GPC5: variants seen among roughly 807,000 people sequenced by gnomAD.
The protein encoded by GPC5 is glypican-5.
In GPC5, 47 loss-of-function variants were observed where a neutral mutation model predicts 53.9. The observed-to-expected ratio is 0.87, with a 90% CI of 0.69 to 1.11. The LOEUF is 1.11. Among genes scored for constraint, GPC5 ranks in the 50% most tolerant of loss-of-function variants. GPC5 has a pLI of 0.00. For missense variants in GPC5, 748 were observed against 713.1 expected, an observed-to-expected ratio of 1.05 and a Z score of -0.56; for synonymous variants, 286 against 263.3, an observed-to-expected ratio of 1.09 and a Z score of -0.84.
chr13:92,542,522 TAGTTATA>T (rs1309236781), intron 7 of GPC5, among the ~76,000 whole-genome samples: 1 of 152,090 alleles, frequency 6.6e-6, no homozygotes, highest in Non-Finnish European at 1.5e-5. Context: ...TGGTTTTCGG[TAGTTATA>T]AGTTTTGATT....
At chr13:91,431,334 C>T (rs1021030582) in intron 1 of GPC5, among the ~76,000 whole-genome samples, 9 of 152,144 alleles carry the variant, frequency 5.9e-5, no homozygotes, top group Admixed American at 2.0e-4. Flanking sequence ...ACTGGATTTT[C>T]CACTCTTGTG....
intron 7 of GPC5, among the ~76,000 whole-genome samples, chr13:92,766,442 T>C (rs577283454): frequency 1.3e-4 from 20 of 152,338 alleles, no homozygotes; most frequent in African/African-American, 4.8e-4. Flanking sequence ...ATGGATAGAC[T>C]TTAATTATGA....
At chr13:91,424,429 A>C (rs1210572749) in intron 1 of GPC5, among the ~76,000 whole-genome samples, 3 of 142,512 alleles carry the variant, frequency 2.1e-5, no homozygotes, top group African/African-American at 8.0e-5. Flanking sequence ...CAATGGCGCG[A>C]TCTCGGCTCA....
intron 2 of GPC5, among the ~76,000 whole-genome samples, chr13:91,546,872 G>T (rs1165470118): frequency 6.6e-6 from 1 of 152,104 alleles, no homozygotes; most frequent in Admixed American, 6.5e-5. Context: ...AGTGGATACA[G>T]TGGTTAGGTA....
intron 6 of GPC5, among the ~76,000 whole-genome samples, chr13:92,119,234 G>A (rs898669058): frequency 2.0e-5 from 3 of 151,944 alleles, no homozygotes; most frequent in Admixed American, 6.6e-5. Context: ...ACTGTCATGG[G>A]AACAGCATGG....
At chr13:92,546,554 G>A (rs1312788462) in intron 7 of GPC5, among the ~76,000 whole-genome samples, 2 of 152,242 alleles carry the variant, frequency 1.3e-5, no homozygotes, top group East Asian at 1.9e-4. Flanking sequence ...CATGCTCATG[G>A]GTAGGAAGAA....
chr13:92,797,819 TGATAGATAGATAGATA>T (rs10553721), intron 7 of GPC5, among the ~76,000 whole-genome samples: 141 of 143,602 alleles, frequency 9.8e-4, no homozygotes, highest in East Asian at 5.3e-3. Context: ...ATTCAAGGGA[TGATAGATAGATAGATA>T]GATAGATAGA....
In GPC5 at chr13:91,423,608, T is replaced by C. The variant is rs531492853; in HGVS notation, c.163+24399T>C. On this transcript the variant is annotated intron_variant, in intron 1 of 7. Coordinates refer to ENST00000377067, the MANE Select transcript of GPC5 (RefSeq NM_004466.6). ...GGGGTGTGAATGTGGAAAGAGAGAATGTTGGTCAAAGGCTACAACGTTTCA... is the reference window on the plus strand; with the variant it reads ...GGGGTGTGAATGTGGAAAGAGAGAACGTTGGTCAAAGGCTACAACGTTTCA... 8.2e-4 allele frequency among the ~76,000 whole-genome samples: 125 copies of C among 152,216 alleles called. 1 individual carries two copies. The highest frequency in any genetic ancestry group is 2.8e-3 in the African/African-American group (117 of 41,554).
intron 6 of GPC5, chr13:91,996,375 C>T (rs1021262559): frequency 6.6e-6 from 1 of 152,246 alleles, no homozygotes; most frequent in Admixed American, 6.5e-5. Flanking sequence ...ATTCTAGTTG[C>T]TACAATGCAA....
intron 2 of GPC5, among the ~76,000 whole-genome samples, chr13:91,522,793 G>C (rs555891984): frequency 1.3e-5 from 2 of 152,262 alleles, no homozygotes; most frequent in African/African-American, 4.8e-5. Flanking sequence ...GTGATAGTTT[G>C]CTGAGAATGA....
At chr13:92,255,941 C>A (rs1594041194) in intron 7 of GPC5, among the ~76,000 whole-genome samples, 2 of 152,072 alleles carry the variant, frequency 1.3e-5, no homozygotes, top group Middle Eastern at 3.4e-3. Context: ...TCTTTGTATA[C>A]CTTTTTTGGG....
chr13:91,412,971 G>A (rs1268828793), intron 1 of GPC5, among the ~76,000 whole-genome samples: 1 of 152,132 alleles, frequency 6.6e-6, no homozygotes, highest in Non-Finnish European at 1.5e-5. Context: ...AATGAATAAA[G>A]GTAAAGCTGT....
chr13:92,193,157 A>G (rs1016137754), intron 7 of GPC5, among the ~76,000 whole-genome samples: 2 of 144,522 alleles, frequency 1.4e-5, no homozygotes, highest in Non-Finnish European at 3.0e-5. Context: ...CCTGGGCGAC[A>G]GAGCGAGACT....
chr13:92,166,948 TCTCTCTCTCACACACACACA>T (rs1478153933), intron 7 of GPC5, among the ~76,000 whole-genome samples: 1,416 of 57,212 alleles, frequency 0.025, 18 homozygotes, highest in African/African-American at 0.07. Context: ...TCTCTCTCTC[TCTCTCTCTCACACACACACA>T]CACACACACA....
In GPC5 at chr13:91,907,971, G is replaced by T. The variant is rs753318955; in HGVS notation, c.1315G>T (p.Ala439Ser). Residue 439 changes from alanine to serine, a missense_variant, in exon 6 of 8, where the codon GCC becomes TCC. Physicochemically the swap from Ala to Ser is moderately conservative, Grantham distance 99. Transcript: ENST00000377067. Reference sequence around the variant, plus strand: ...GCGTGTGGTTGGAAATGGAATCAAAGCCCAGTCTGGAAATCCTGAAGTCAA... The same window carrying T: ...GCGTGTGGTTGGAAATGGAATCAAATCCCAGTCTGGAAATCCTGAAGTCAA... Reference protein sequence around the residue: ...TQRVVGNGIKAQSGNPEVKVK... With the variant: ...TQRVVGNGIKSQSGNPEVKVK... 6.3e-6 allele frequency: 10 copies of T among 1,595,076 alleles called. No homozygotes were observed. The Admixed American group carries it at 8.4e-5, about 13-fold the overall frequency.
intron 6 of GPC5, among the ~76,000 whole-genome samples, chr13:92,111,698 C>CA (rs1020020894): frequency 2.0e-5 from 3 of 150,976 alleles, no homozygotes; most frequent in Non-Finnish European, 3.0e-5. Context: ...ATAACTTTTC[C>CA]AAAAAAAAGG....
intron 7 of GPC5, among the ~76,000 whole-genome samples, chr13:92,611,002 T>A: frequency 6.6e-6 from 1 of 151,596 alleles, no homozygotes; most frequent in African/African-American, 2.4e-5. Context: ...CTAGGTAGAT[T>A]TCTCTGCTTA....
intron 7 of GPC5, among the ~76,000 whole-genome samples, chr13:92,456,143 G>A (rs551579173): frequency 6.6e-6 from 1 of 152,198 alleles, no homozygotes; most frequent in South Asian, 2.1e-4. Flanking sequence ...GTTGATGTCG[G>A]CCAAAAGTTG....
At chr13:91,944,315 C>A (rs1287838411) in intron 6 of GPC5, among the ~76,000 whole-genome samples, 1 of 152,120 alleles carries the variant, frequency 6.6e-6, no homozygotes, top group Non-Finnish European at 1.5e-5. Flanking sequence ...CCAGGATGGT[C>A]TCGATCTCCT....
Sources: allele counts gnomAD v4.1 joint callset (sites outside exome capture counted in the v4.1 genomes callset), GRCh38; gene constraint gnomAD v4.1.1; transcripts MANE v1.5; gene names NCBI Gene and HGNC (gene_info 2026-07-23, HGNC 2026-07-21).